PRKG1: variants seen among roughly 807,000 people sequenced by gnomAD.
PRKG1 encodes the protein cGMP-dependent protein kinase 1.
Under a neutral mutation model 88.1 loss-of-function variants are expected in PRKG1, and 35 were observed. The ratio of observed to expected loss-of-function variants is 0.40; its 90% CI spans 0.30 to 0.53. The LOEUF (loss-of-function observed/expected upper bound fraction) is 0.53. PRKG1 is among the 20% of genes least tolerant of loss of function. PRKG1 has a pLI of 0.59. For synonymous variants in PRKG1, 303 were observed against 292.5 expected, an observed-to-expected ratio of 1.04 and a Z score of -0.37; for missense variants, 540 against 839.8, an observed-to-expected ratio of 0.64 and a Z score of 4.41.
At chr10:52,285,387 T>C (rs1210869078) in intron 14 of PRKG1, among the ~76,000 whole-genome samples, 1 of 152,078 alleles carries the variant, frequency 6.6e-6, no homozygotes, top group Non-Finnish European at 1.5e-5. Context: ...AATTACTGAA[T>C]GAATATAAGT....
At position 51,752,718 on chromosome 10, in the gene PRKG1, G is replaced by A. The variant is rs993240597; in HGVS notation, c.593-51867G>A. Among the ~76,000 whole-genome samples the A allele has an allele frequency of 9.9e-5, 15 of 152,204 alleles. No individual in the cohort carries two copies. The South Asian group carries it at 1.0e-3, about 11-fold the overall frequency. On this transcript the variant is annotated intron_variant, in intron 3 of 17. Coordinates refer to ENST00000373980, the MANE Select transcript of PRKG1 (RefSeq NM_006258.4). Reference sequence around the variant, plus strand: ...ATTTAATTCTGTGAAGGAGGGGTTCGAAATGGAAGAATATTGTTCCTTTAA... The same window carrying A: ...ATTTAATTCTGTGAAGGAGGGGTTCAAAATGGAAGAATATTGTTCCTTTAA...
chr10:51,422,058 C>G (rs1838431693), intron 2 of PRKG1, among the ~76,000 whole-genome samples: 1 of 152,106 alleles, frequency 6.6e-6, no homozygotes, highest in East Asian at 1.9e-4. Flanking sequence ...TGCCAGGCAC[C>G]CTTGAGTGGA....
At chr10:51,230,676 G>T (rs538529614) in intron 2 of PRKG1, among the ~76,000 whole-genome samples, 2 of 151,994 alleles carry the variant, frequency 1.3e-5, no homozygotes, top group South Asian at 4.2e-4. Flanking sequence ...TATAACTTAT[G>T]CACATCCTAC....
intron 1 of PRKG1, among the ~76,000 whole-genome samples, chr10:51,011,810 T>C (rs1385535196): frequency 6.6e-6 from 1 of 152,218 alleles, no homozygotes; most frequent in Non-Finnish European, 1.5e-5. Flanking sequence ...AGTTCATGGC[T>C]ATCAGTCTAT....
At chr10:51,357,518 G>A (rs1651983637) in intron 2 of PRKG1, among the ~76,000 whole-genome samples, 1 of 151,912 alleles carries the variant, frequency 6.6e-6, no homozygotes, top group South Asian at 2.1e-4. Flanking sequence ...GTCAATGACG[G>A]ACATTCAGTT....
intron 5 of PRKG1, among the ~76,000 whole-genome samples, chr10:52,048,784 G>A (rs1845920359): frequency 1.4e-5 from 2 of 145,530 alleles, no homozygotes; most frequent in Admixed American, 1.4e-4. Context: ...TAATTTAGAC[G>A]TGCTGTCAAT....
At chr10:51,113,944 CGTGTGT>C (rs35562284) in intron 1 of PRKG1, among the ~76,000 whole-genome samples, 4,140 of 139,044 alleles carry the variant, frequency 0.03, 94 homozygotes, top group Middle Eastern at 0.085. Flanking sequence ...AGCCTGTAAA[CGTGTGT>C]GTGTGTGTGT....
At chr10:51,244,585 A>G (rs73337550) in intron 2 of PRKG1, among the ~76,000 whole-genome samples, 2,569 of 152,164 alleles carry the variant, frequency 0.017, 62 homozygotes, top group African/African-American at 0.059. Flanking sequence ...GCCTTAAGGG[A>G]TCCCTAGAGG....
chr10:51,636,671 A>G (rs528356426), intron 3 of PRKG1, among the ~76,000 whole-genome samples: 2 of 152,320 alleles, frequency 1.3e-5, no homozygotes, highest in South Asian at 4.1e-4. Flanking sequence ...ACCCAGGCAA[A>G]TAGAAGGGGC....
intron 2 of PRKG1, among the ~76,000 whole-genome samples, chr10:51,205,925 A>G (rs1453698788): frequency 6.6e-6 from 1 of 152,212 alleles, no homozygotes; most frequent in African/African-American, 2.4e-5. Context: ...GTAAGGGTAT[A>G]CTAAGTGAGA....
intron 4 of PRKG1, among the ~76,000 whole-genome samples, chr10:51,902,509 T>C (rs943757349): frequency 1.3e-5 from 2 of 152,194 alleles, no homozygotes; most frequent in South Asian, 4.1e-4. Context: ...GTTTTAAAAA[T>C]ATGTAAAACT....
At chr10:51,216,072 T>G (rs1838363732) in intron 2 of PRKG1, among the ~76,000 whole-genome samples, 1 of 152,332 alleles carries the variant, frequency 6.6e-6, no homozygotes, top group East Asian at 1.9e-4. Flanking sequence ...GTGCTGGGCC[T>G]TCAGAGATGA....
intron 3 of PRKG1, among the ~76,000 whole-genome samples, chr10:51,514,145 T>C (rs893462646): frequency 1.9e-4 from 27 of 144,834 alleles, no homozygotes; most frequent in African/African-American, 6.2e-4. Context: ...ATAGACACAA[T>C]AAAAAATGAT....
chr10:51,916,107 C>A (rs1377513642), intron 5 of PRKG1, among the ~76,000 whole-genome samples: 3 of 152,110 alleles, frequency 2.0e-5, no homozygotes, highest in African/African-American at 2.4e-5. Flanking sequence ...GCCAGAGCAA[C>A]CCCATCTTGA....
intron 5 of PRKG1, among the ~76,000 whole-genome samples, chr10:52,013,203 G>A (rs563036482): frequency 6.6e-5 from 10 of 152,276 alleles, no homozygotes; most frequent in Non-Finnish European, 1.3e-4. Flanking sequence ...AAGATCACGA[G>A]GTCAGGAGAT....
intron 9 of PRKG1, among the ~76,000 whole-genome samples, chr10:52,244,453 C>A (rs562792807): frequency 1.3e-5 from 2 of 151,638 alleles, no homozygotes; most frequent in South Asian, 4.1e-4. Context: ...AGTGTCTAAG[C>A]TTATTTAATT....
chr10:51,714,129 G>A (rs1003146399), intron 3 of PRKG1, among the ~76,000 whole-genome samples: 2 of 152,032 alleles, frequency 1.3e-5, no homozygotes, highest in Non-Finnish European at 2.9e-5. Flanking sequence ...ACAGGCGCCC[G>A]CCACCAAGCC....
chr10:52,276,190 T>TA (rs1841869700), intron 12 of PRKG1, among the ~76,000 whole-genome samples: 1 of 152,174 alleles, frequency 6.6e-6, no homozygotes, highest in African/African-American at 2.4e-5. Context: ...TTCTCTTCTC[T>TA]GATTGCTCTG....
chr10:51,637,171 A>G (rs1459323460), intron 3 of PRKG1, among the ~76,000 whole-genome samples: 1 of 152,236 alleles, frequency 6.6e-6, no homozygotes, highest in Non-Finnish European at 1.5e-5. Context: ...TATGGAAAAA[A>G]AAAGCTCAAC....
Sources: allele counts gnomAD v4.1 joint callset (sites outside exome capture counted in the v4.1 genomes callset), GRCh38; gene constraint gnomAD v4.1.1; transcripts MANE v1.5; gene names NCBI Gene and HGNC (gene_info 2026-07-23, HGNC 2026-07-21).